SHPRH: variants seen among roughly 807,000 people sequenced by gnomAD.
SHPRH encodes the protein SNF2 histone linker PHD RING helicase.
In SHPRH, 106 loss-of-function variants were observed where a neutral mutation model predicts 202.5. That is an observed-to-expected ratio of 0.52 (90% CI 0.45 to 0.62). SHPRH has a LOEUF of 0.62. Among genes scored for constraint, SHPRH ranks in the 20% least tolerant of loss-of-function variants. The probability of loss-of-function intolerance (pLI) is 0.00; values close to 1 mark genes in which losing one functional copy is unlikely to be tolerated. For synonymous variants in SHPRH, 729 were observed against 686.0 expected (o/e 1.06, Z -0.98); for missense variants, 1,710 against 2,020.0 (o/e 0.85, Z 2.94).
At chr6:145,944,352 C>T (rs1787132041) in intron 8 of SHPRH, among the ~76,000 whole-genome samples, 2 of 152,032 alleles carry the variant, frequency 1.3e-5, no homozygotes, top group Non-Finnish European at 2.9e-5. Flanking sequence ...ATTTGGCCCC[C>T]GGTTTCAAAG....
At chr6:145,962,085 T>G (rs942530622) in intron 1 of SHPRH, among the ~76,000 whole-genome samples, 12 of 152,130 alleles carry the variant, frequency 7.9e-5, no homozygotes, top group Admixed American at 7.8e-4. Context: ...GTTTTCTATA[T>G]GGACCGCACT....
At chr6:145,961,311 G>A (rs558213568) in intron 1 of SHPRH, among the ~76,000 whole-genome samples, 2 of 152,250 alleles carry the variant, frequency 1.3e-5, no homozygotes, top group African/African-American at 4.8e-5. Context: ...AAGGGCCCAG[G>A]CACTACTCCC....
intron 25 of SHPRH, chr6:145,903,671 CTA>C (rs1464094124): frequency 2.0e-5 from 3 of 152,062 alleles, no homozygotes; most frequent in African/African-American, 7.2e-5. Flanking sequence ...ATTGCTGTCA[CTA>C]TATCTATGTA....
intron 14 of SHPRH, among the ~76,000 whole-genome samples, chr6:145,932,268 T>C (rs1334933175): frequency 1.3e-5 from 2 of 152,164 alleles, no homozygotes; most frequent in Admixed American, 1.3e-4. Flanking sequence ...GTTATATAAC[T>C]TTGCTTCCAG....
At chr6:145,879,062 T>A (rs946887572) in intron 2 of SHPRH, among the ~76,000 whole-genome samples, 8 of 152,196 alleles carry the variant, frequency 5.3e-5, no homozygotes, top group African/African-American at 1.7e-4. Context: ...TACAGTTACA[T>A]GAGAAATATT....
At chr6:145,932,975 A>C in intron 14 of SHPRH, 82 bp downstream of exon 14, 3 of 1,434,018 alleles carry the variant, frequency 2.1e-6, no homozygotes, top group Non-Finnish European at 2.8e-6. Context: ...CCCCCCCCCA[A>C]AAATCAAAAT....
intron 1 of SHPRH, among the ~76,000 whole-genome samples, chr6:145,957,435 G>C (rs1015769871): frequency 1.3e-5 from 2 of 152,046 alleles, no homozygotes; most frequent in African/African-American, 4.8e-5. Context: ...TCACAGATGG[G>C]AGAAAATATT....
Position 145,932,787 on chromosome 6 carries a change from C to A in SHPRH, c.3112+270G>T, listed in dbSNP as rs117645140. Among the ~76,000 whole-genome samples, 635 of 152,194 alleles carry A rather than the reference C, an allele frequency of 4.2e-3. 17 individuals are homozygous for A. The East Asian group carries it at 0.071, about 17-fold the overall frequency. On this transcript the variant is annotated intron_variant, in intron 14 of 29. Coordinates refer to ENST00000275233, the MANE Select transcript of SHPRH (RefSeq NM_001042683.3). The stretch of plus-strand genomic sequence containing the variant: ...TATTAAAGTCTAAGATTAACAACTT[C>A]AAGGGAAATCTGTGTATCCTCATTT...
At chr6:145,932,116 A>G (rs1432668172) in intron 14 of SHPRH, among the ~76,000 whole-genome samples, 1 of 152,058 alleles carries the variant, frequency 6.6e-6, no homozygotes, top group African/African-American at 2.4e-5. Context: ...TGAAATTTTG[A>G]TTTCCAGAAG....
At chr6:145,861,988 A>G (rs542705636), downstream of SHPRH, among the ~76,000 whole-genome samples, 261 of 152,308 alleles carry the variant, frequency 1.7e-3, 1 homozygote, top group African/African-American at 6.2e-3. Flanking sequence ...GTAGAATGGC[A>G]GTTGTCAGGG....
chr6:145,925,227 A>C (rs1784757579), intron 16 of SHPRH, among the ~76,000 whole-genome samples: 1 of 151,746 alleles, frequency 6.6e-6, no homozygotes, highest in Admixed American at 6.6e-5. Context: ...TAGTTACTGC[A>C]GTTTAAAAAT....
chr6:145,930,703 G>C (rs1785348199), intron 14 of SHPRH, among the ~76,000 whole-genome samples: 1 of 152,190 alleles, frequency 6.6e-6, no homozygotes, highest in South Asian at 2.1e-4. Flanking sequence ...TCTTTGGTTG[G>C]GTAGTCAATA....
intron 25 of SHPRH, among the ~76,000 whole-genome samples, chr6:145,902,739 A>G (rs1782613062): frequency 6.6e-6 from 1 of 152,124 alleles, no homozygotes. Context: ...TTGTTTACAC[A>G]GACTATTCAA....
intron 9 of SHPRH, 140 bp downstream of exon 9, chr6:145,943,003 T>G: frequency 9.9e-7 from 1 of 1,009,054 alleles, no homozygotes. Flanking sequence ...AATTTTTTTC[T>G]TTAAGCTTTG....
chr6:145,878,991 T>TTGGTACA (rs1404617252), intron 2 of SHPRH, among the ~76,000 whole-genome samples: 5 of 152,322 alleles, frequency 3.3e-5, no homozygotes, highest in African/African-American at 1.2e-4. Context: ...TCAAAAGATT[T>TTGGTACA]ATATGAATTT....
At chr6:145,941,567 T>A (rs535440413) in intron 10 of SHPRH, 56 bp downstream of exon 10, 2 of 1,598,692 alleles carry the variant, frequency 1.3e-6, no homozygotes, top group South Asian at 2.2e-5. Context: ...CAAGGTCCCC[T>A]AATTCCTTTT....
intron 4 of SHPRH, 62 bp from the exon 5 acceptor site, chr6:145,948,412 T>A: frequency 7.7e-7 from 1 of 1,299,516 alleles, no homozygotes; most frequent in Admixed American, 1.9e-5. Flanking sequence ...ATAATCACAT[T>A]AAAAAAAGAA....
At position 145,910,591 on chromosome 6, in the gene SHPRH, A is replaced by G. The variant is rs746559547; in HGVS notation, c.4372T>C (p.Ser1458Pro). 1.2e-6 allele frequency: 2 copies of G among 1,613,132 alleles called. No individual in the cohort carries two copies. The highest frequency in any genetic ancestry group is 1.7e-6 in the Non-Finnish European group (2 of 1,179,470). The part of the protein sequence containing the change: ...CGHCFCNECI[S>P]IIIEQYSVGS... ...ACGCTGTATTGTTCAATAATTATAG[A>G]AATGCATTCATTACAGAAACAGTGA... Residue 1458 changes from serine to proline, a missense_variant, in exon 25 of 30, where the codon TCT becomes CCT. By Grantham distance (74) the Ser-to-Pro change is moderately conservative. Coordinates refer to ENST00000275233, the MANE Select transcript of SHPRH (RefSeq NM_001042683.3).
At chr6:145,892,091 G>A (rs550067698) in intron 28 of SHPRH, among the ~76,000 whole-genome samples, 10 of 152,078 alleles carry the variant, frequency 6.6e-5, no homozygotes, top group Non-Finnish European at 1.0e-4. Context: ...TACTTCTTAC[G>A]GGGCAGTCTA....
Sources: gnomAD v4.1 joint callset for allele counts (sites outside exome capture counted in the v4.1 genomes callset) on GRCh38, gnomAD v4.1.1 for gene constraint, MANE v1.5 for transcripts, NCBI Gene and HGNC (gene_info 2026-07-23, HGNC 2026-07-21) for gene names.